The following ZNF345 variants were observed in gnomAD, a reference collection of about 807,000 sequenced individuals.
ZNF345 encodes the protein zinc finger protein 345.
For missense variants in ZNF345, 527 were observed against 589.9 expected (o/e 0.89, Z 1.10); for synonymous variants, 166 against 187.9 (o/e 0.88, Z 0.95).
chr19:36,875,552 G>A (rs1049139557), intron 2 of ZNF345, among the ~76,000 whole-genome samples: 3 of 152,248 alleles, frequency 2.0e-5, no homozygotes, highest in African/African-American at 7.2e-5. Flanking sequence ...TTTTAAGAGC[G>A]AGTTCATTTT....
At chr19:36,886,096 G>A (rs765587369) in intron 3 of ZNF345, among the ~76,000 whole-genome samples, 18 of 152,236 alleles carry the variant, frequency 1.2e-4, no homozygotes, top group South Asian at 4.1e-4. Context: ...ATTATAACCC[G>A]AAGTATAAAA....
chr19:36,888,465 A>G (rs1431265085), intron 3 of ZNF345: 1 of 152,114 alleles, frequency 6.6e-6, no homozygotes, highest in African/African-American at 2.4e-5. Context: ...CTACCACACT[A>G]AATTCTTGTG....
Position 36,877,420 on chromosome 19 carries a change from CA to C in ZNF345, c.591del (p.Gly198ValfsTer8). ...CTTATTCGGCATCACAGAATTCACACAGGTGAGAAACCTTATGAATGTATAG... is the reference window on the plus strand; with the variant it reads ...CTTATTCGGCATCACAGAATTCACACGGTGAGAAACCTTATGAATGTATAG... ...SALIRHHRIH[T>X]GEKPYECIDC... On this transcript the variant is annotated frameshift_variant, in exon 3 of 3. Transcript: ENST00000420450. LOFTEE classifies it low-confidence loss of function (END_TRUNC). 2 of 1,614,060 alleles carry C rather than the reference CA, an allele frequency of 1.2e-6. No homozygotes were observed. The highest frequency in any genetic ancestry group is 8.5e-7 in the Non-Finnish European group (1 of 1,179,996).
intron 2 of ZNF345, among the ~76,000 whole-genome samples, chr19:36,853,186 A>T (rs2072323569): frequency 7.1e-6 from 1 of 140,686 alleles, no homozygotes; most frequent in Non-Finnish European, 1.6e-5. Context: ...ATTTTTGTCT[A>T]CCTCAAGATA....
At chr19:36,865,524 G>A (rs1027345550) in intron 2 of ZNF345, among the ~76,000 whole-genome samples, 1 of 152,114 alleles carries the variant, frequency 6.6e-6, no homozygotes, top group Admixed American at 6.6e-5. Flanking sequence ...GTAGTAGTTC[G>A]ATCTCGGCTC....
At chr19:36,887,953 TTAC>T (rs1435792190) in intron 3 of ZNF345, among the ~76,000 whole-genome samples, 6 of 152,144 alleles carry the variant, frequency 3.9e-5, no homozygotes, top group African/African-American at 7.2e-5. Flanking sequence ...ACTGTAAATT[TTAC>T]TACATGTGAA....
intron 2 of ZNF345, among the ~76,000 whole-genome samples, chr19:36,868,085 C>T (rs1401588747): frequency 6.6e-6 from 1 of 151,382 alleles, no homozygotes; most frequent in Non-Finnish European, 1.5e-5. Context: ...TCACTGCAAC[C>T]TCTGCTTCCT....
At chr19:36,854,242 T>G (rs995294292) in intron 2 of ZNF345, among the ~76,000 whole-genome samples, 1 of 151,652 alleles carries the variant, frequency 6.6e-6, no homozygotes, top group Admixed American at 6.6e-5. Flanking sequence ...TTTGTTTTTT[T>G]TTTTTTTTAT....
chr19:36,892,514 CA>C, intron 3 of ZNF345: 1 of 1,507,048 alleles, frequency 6.6e-7, no homozygotes, highest in Non-Finnish European at 8.8e-7. Flanking sequence ...CTATTCTGGG[CA>C]AGTTAAAACT....
At chr19:36,892,439 A>G (rs1442079565) in intron 3 of ZNF345, 6 of 1,598,862 alleles carry the variant, frequency 3.8e-6, no homozygotes, top group Admixed American at 3.4e-5. Context: ...TTCTTTAGAG[A>G]TAATATTTTG....
chr19:36,865,955 A>G (rs1600702776), intron 2 of ZNF345, among the ~76,000 whole-genome samples: 1 of 152,214 alleles, frequency 6.6e-6, no homozygotes, highest in African/African-American at 2.4e-5. Context: ...TTCTGTTAAT[A>G]TAATTAATTA....
chr19:36,861,718 G>A (rs919745078), intron 2 of ZNF345, among the ~76,000 whole-genome samples: 1 of 151,740 alleles, frequency 6.6e-6, no homozygotes, highest in Non-Finnish European at 1.5e-5. Flanking sequence ...GCACCACCAC[G>A]CCCAGCAAAT....
chr19:36,879,167 A>G lies in ZNF345; in HGVS notation c.*870A>G, dbSNP rs1051062965. On this transcript the variant is annotated 3_prime_UTR_variant, in exon 3 of 3. Transcript: ENST00000420450. ...TTGTTTTTTAAATTTATATATATGTATCTATGTCTCATCCTGTTTATGGTC... is the reference window on the plus strand; with the variant it reads ...TTGTTTTTTAAATTTATATATATGTGTCTATGTCTCATCCTGTTTATGGTC... The G allele has an allele frequency of 6.0e-6, 1 of 166,804 alleles. No homozygotes were observed. Among genetic ancestry groups the G allele is most frequent in the Non-Finnish European group, 1.5e-5 (1 of 68,050 alleles). The allele number at this position is 166,804 out of a possible 1,614,324, so 10.3% of individuals were successfully genotyped here.
intron 2 of ZNF345, among the ~76,000 whole-genome samples, chr19:36,874,318 A>G (rs1284831041): frequency 6.6e-6 from 1 of 151,514 alleles, no homozygotes; most frequent in Non-Finnish European, 1.5e-5. Context: ...ATATGGTGAA[A>G]CCCCACCTCT....
chr19:36,852,605 CAAA>C (rs758224332), intron 2 of ZNF345, among the ~76,000 whole-genome samples: 4 of 85,336 alleles, frequency 4.7e-5, no homozygotes, highest in Non-Finnish European at 7.7e-5. Flanking sequence ...GACTCCATCT[CAAA>C]AAAAAAAAAA....
At chr19:36,875,188 G>A (rs1312526421) in intron 2 of ZNF345, among the ~76,000 whole-genome samples, 1 of 151,814 alleles carries the variant, frequency 6.6e-6, no homozygotes, top group Non-Finnish European at 1.5e-5. Flanking sequence ...TTAACTGTAG[G>A]GAATGGATAC....
chr19:36,877,157 A>G lies in ZNF345; in HGVS notation c.327A>G (p.Gln109=). The G allele has an allele frequency of 6.2e-7, 1 of 1,613,560 alleles. No homozygotes were observed. Among genetic ancestry groups the G allele is most frequent in the Non-Finnish European group, 8.5e-7 (1 of 1,179,850 alleles). The change falls in exon 3 of 3, where the codon CAA becomes CAG. Residue 109 remains glutamine, a synonymous_variant. Transcript: ENST00000420450. ...FGSGANLAYH[Q]RIHTGEKPFE... is the part of the protein sequence containing the mutation. ...GTGGTGCAAACCTTGCTTACCATCA[A>G]AGAATTCATACTGGTGAGAAGCCTT...
intron 2 of ZNF345, 28 bp from the exon 3 acceptor site, chr19:36,876,757 G>A (rs1456012241): frequency 7.0e-7 from 1 of 1,431,218 alleles, no homozygotes; most frequent in East Asian, 2.3e-5. Context: ...ACAAAAAAGT[G>A]AATGTTTGCT....
At chr19:36,860,675 G>C (rs1413871197) in intron 2 of ZNF345, among the ~76,000 whole-genome samples, 1 of 152,180 alleles carries the variant, frequency 6.6e-6, no homozygotes, top group Admixed American at 6.5e-5. Context: ...CCTTCTTGCT[G>C]CATCATCTCA....
Sources: gnomAD v4.1 joint callset for allele counts (sites outside exome capture counted in the v4.1 genomes callset) on GRCh38, gnomAD v4.1.1 for gene constraint, MANE v1.5 for transcripts, NCBI Gene and HGNC (gene_info 2026-07-23, HGNC 2026-07-21) for gene names.